Variants in LRRTM4 observed in about 807,000 individuals in gnomAD.
The protein encoded by LRRTM4 is leucine-rich repeat transmembrane neuronal protein 4.
LRRTM4 carries 25 observed loss-of-function variants against 47.6 expected under a neutral mutation model. The observed-to-expected ratio is 0.53, with a 90% confidence interval of 0.38 to 0.73. The LOEUF is 0.73. LRRTM4 is among the 30% of genes least tolerant of loss of function. The probability of loss-of-function intolerance (pLI) is 0.00; values close to 1 mark genes in which losing one functional copy is unlikely to be tolerated. For synonymous variants in LRRTM4, 311 were observed against 269.5 expected (o/e 1.15, Z -1.51); for missense variants, 638 against 713.4 (o/e 0.89, Z 1.20).
intron 3 of LRRTM4, among the ~76,000 whole-genome samples, chr2:77,306,796 T>C (rs149162762): frequency 4.0e-4 from 61 of 151,952 alleles, no homozygotes; most frequent in African/African-American, 1.4e-3. Flanking sequence ...CAGTAAATTA[T>C]AATTAATGAG....
intron 3 of LRRTM4, among the ~76,000 whole-genome samples, chr2:77,392,711 G>A (rs1673551057): frequency 6.6e-6 from 1 of 151,954 alleles, no homozygotes; most frequent in Admixed American, 6.6e-5. Flanking sequence ...GGTTACCAGA[G>A]GCTGTGGGCT....
intron 3 of LRRTM4, among the ~76,000 whole-genome samples, chr2:77,440,317 G>C (rs1327545874): frequency 3.3e-5 from 5 of 152,174 alleles, no homozygotes; most frequent in Admixed American, 3.3e-4. Context: ...AGGAGGCTGA[G>C]GCAGGAGAAT....
chr2:77,372,991 C>T (rs1340804908), intron 3 of LRRTM4, among the ~76,000 whole-genome samples: 2 of 149,542 alleles, frequency 1.3e-5, no homozygotes, highest in Admixed American at 1.3e-4. Context: ...AGGAATATCA[C>T]CAGATTTAGG....
At chr2:77,438,240 T>C (rs1675679929) in intron 3 of LRRTM4, among the ~76,000 whole-genome samples, 1 of 152,114 alleles carries the variant, frequency 6.6e-6, no homozygotes, top group South Asian at 2.1e-4. Flanking sequence ...TGATATTGAT[T>C]GTATAACACA....
intron 3 of LRRTM4, among the ~76,000 whole-genome samples, chr2:77,461,007 T>A (rs1573446276): frequency 6.6e-6 from 1 of 152,080 alleles, no homozygotes; most frequent in Non-Finnish European, 1.5e-5. Context: ...AAGTAAGTAA[T>A]TAACAGAAAT....
At chr2:76,824,056 C>A (rs1671126347) in intron 3 of LRRTM4, among the ~76,000 whole-genome samples, 2 of 151,008 alleles carry the variant, frequency 1.3e-5, no homozygotes. Flanking sequence ...TAATCTGATT[C>A]TTATCTTTCA....
intron 3 of LRRTM4, among the ~76,000 whole-genome samples, chr2:76,836,054 A>G (rs1671502385): frequency 6.6e-6 from 1 of 151,876 alleles, no homozygotes; most frequent in African/African-American, 2.4e-5. Context: ...GAAGAAGTTG[A>G]GAGAAGTCAA....
intron 3 of LRRTM4, among the ~76,000 whole-genome samples, chr2:77,258,409 T>A (rs910075729): frequency 6.6e-6 from 1 of 152,052 alleles, no homozygotes; most frequent in African/African-American, 2.4e-5. Flanking sequence ...AATGTACTCA[T>A]GCAATAAAAT....
At chr2:77,240,655 T>TA (rs1291215224) in intron 3 of LRRTM4, among the ~76,000 whole-genome samples, 9 of 151,968 alleles carry the variant, frequency 5.9e-5, no homozygotes, top group African/African-American at 2.2e-4. Flanking sequence ...TTGTCTATGT[T>TA]AAAAATCCCT....
intron 3 of LRRTM4, among the ~76,000 whole-genome samples, chr2:77,135,070 C>T (rs1297721491): frequency 1.3e-5 from 2 of 152,114 alleles, no homozygotes; most frequent in East Asian, 3.9e-4. Context: ...ATAGGTAAAA[C>T]AACAACAGCA....
At chr2:77,105,360 A>T (rs1671066671) in intron 3 of LRRTM4, among the ~76,000 whole-genome samples, 1 of 152,094 alleles carries the variant, frequency 6.6e-6, no homozygotes, top group Admixed American at 6.5e-5. Flanking sequence ...TTATAGGGAC[A>T]TGGATGAAGC....
chr2:76,955,818 C>G (rs1247511592), intron 3 of LRRTM4, among the ~76,000 whole-genome samples: 1 of 151,688 alleles, frequency 6.6e-6, no homozygotes, highest in Non-Finnish European at 1.5e-5. Context: ...TTTACCAGTA[C>G]CTTGATTTTA....
chr2:76,760,942 G>A (rs912270497), intron 3 of LRRTM4, among the ~76,000 whole-genome samples: 1 of 152,204 alleles, frequency 6.6e-6, no homozygotes, highest in South Asian at 2.1e-4. Context: ...AGTCCTGGCT[G>A]CAACTTTGAC....
chr2:77,130,462 CTAA>C (rs1284129130), intron 3 of LRRTM4, among the ~76,000 whole-genome samples: 2 of 152,004 alleles, frequency 1.3e-5, no homozygotes, highest in Non-Finnish European at 2.9e-5. Flanking sequence ...CATAGTAAAA[CTAA>C]TGTTATTATT....
chr2:77,154,567 A>C (rs1175267350), intron 3 of LRRTM4, among the ~76,000 whole-genome samples: 5 of 152,302 alleles, frequency 3.3e-5, no homozygotes, highest in African/African-American at 1.2e-4. Context: ...TAATTTTCCA[A>C]AATGAATAAA....
At chr2:76,908,065 C>T (rs1396648750) in intron 3 of LRRTM4, among the ~76,000 whole-genome samples, 1 of 151,892 alleles carries the variant, frequency 6.6e-6, no homozygotes, top group African/African-American at 2.4e-5. Context: ...GACCAATATC[C>T]TTGATGAACA....
intron 3 of LRRTM4, among the ~76,000 whole-genome samples, chr2:77,347,517 C>T (rs754143880): frequency 6.6e-6 from 1 of 151,846 alleles, no homozygotes; most frequent in Non-Finnish European, 1.5e-5. Context: ...GTGGACTCAT[C>T]ACAAAATAAA....
At chr2:77,417,300 G>T (rs1166316593) in intron 3 of LRRTM4, among the ~76,000 whole-genome samples, 31 of 152,042 alleles carry the variant, frequency 2.0e-4, no homozygotes, top group Middle Eastern at 3.4e-3. Flanking sequence ...GGTGGGACTG[G>T]AAACTAGTTC....
chr2:77,062,771 C>T (rs540788240), intron 3 of LRRTM4, among the ~76,000 whole-genome samples: 1 of 152,060 alleles, frequency 6.6e-6, no homozygotes, highest in South Asian at 2.1e-4. Flanking sequence ...TATGGATCTC[C>T]AAAGTTTAAT....
Sources: allele counts gnomAD v4.1 joint callset (sites outside exome capture counted in the v4.1 genomes callset), GRCh38; gene constraint gnomAD v4.1.1; transcripts MANE v1.5; gene names NCBI Gene and HGNC (gene_info 2026-07-23, HGNC 2026-07-21).